Variants in NR1H4 observed in about 807,000 individuals in gnomAD.
NR1H4 encodes the protein bile acid receptor.
A neutral mutation model predicts 58.5 loss-of-function variants in NR1H4; 23 were observed. The ratio of observed to expected loss-of-function variants is 0.39; its 90% CI spans 0.28 to 0.56. The LOEUF (loss-of-function observed/expected upper bound fraction) is 0.56, where lower values mean the gene tolerates loss of function less well. Among genes scored for constraint, NR1H4 ranks in the 20% least tolerant of loss-of-function variants. The probability of loss-of-function intolerance (pLI) is 0.58; values close to 1 mark genes in which losing one functional copy is unlikely to be tolerated. For synonymous variants in NR1H4, 214 were observed against 198.0 expected (o/e 1.08, Z -0.68); for missense variants, 487 against 576.9 (o/e 0.84, Z 1.60).
At chr12:100,506,121 C>G (rs1369605102) in intron 3 of NR1H4, among the ~76,000 whole-genome samples, 1 of 151,638 alleles carries the variant, frequency 6.6e-6, no homozygotes, top group Admixed American at 6.6e-5. Flanking sequence ...CTTATATCAT[C>G]AAGACAGACT....
At chr12:100,552,966 T>C (rs1230877843) in intron 9 of NR1H4, among the ~76,000 whole-genome samples, 1 of 151,408 alleles carries the variant, frequency 6.6e-6, no homozygotes, top group African/African-American at 2.4e-5. Context: ...TCAGGCAGCA[T>C]GGCAGCCACT....
At chr12:100,514,638 C>A (rs1004461964) in intron 4 of NR1H4, among the ~76,000 whole-genome samples, 2 of 152,260 alleles carry the variant, frequency 1.3e-5, no homozygotes, top group Middle Eastern at 3.4e-3. Flanking sequence ...AGTTGAGAAT[C>A]ACTGAGAGAG....
chr12:100,490,174 A>T (rs1487370480), intron 1 of NR1H4, among the ~76,000 whole-genome samples: 2 of 152,250 alleles, frequency 1.3e-5, no homozygotes, highest in Non-Finnish European at 2.9e-5. Flanking sequence ...ACATTTCTTG[A>T]GGGCTGACTG....
chr12:100,554,694 AG>A (rs1372722433), intron 9 of NR1H4, among the ~76,000 whole-genome samples: 2 of 152,212 alleles, frequency 1.3e-5, no homozygotes, highest in Non-Finnish European at 2.9e-5. Flanking sequence ...GTTAGAAAAT[AG>A]CCCCCCCTTG....
rs530842806 is a variant in NR1H4, at chr12:100,563,195, G to A, written c.1193-56G>A. The A allele has an allele frequency of 3.0e-6, 4 of 1,326,362 alleles. No homozygotes were observed. In the African/African-American group the frequency reaches 4.3e-5, roughly 14 times the overall value. 82.2% of individuals were successfully genotyped at this position (1,326,362 alleles called of 1,614,324 possible). On this transcript the variant is annotated intron_variant, in intron 10 of 10. Transcript: ENST00000392986. The stretch of plus-strand genomic sequence containing the variant: ...TAGTTAACGTTGCTATAATTATGCT[G>A]AATTAATGCTTTTCCACTTTTTAAT...
intron 4 of NR1H4, among the ~76,000 whole-genome samples, chr12:100,526,445 A>G (rs930510122): frequency 2.0e-5 from 3 of 152,212 alleles, no homozygotes; most frequent in African/African-American, 7.2e-5. Context: ...AACCTTTTAG[A>G]AACCTTTGTG....
At chr12:100,482,974 G>A (rs935611731) in intron 1 of NR1H4, among the ~76,000 whole-genome samples, 2 of 152,138 alleles carry the variant, frequency 1.3e-5, no homozygotes, top group Non-Finnish European at 2.9e-5. Context: ...TCACAAGACT[G>A]GAGTGTAGTG....
intron 10 of NR1H4, among the ~76,000 whole-genome samples, chr12:100,562,366 T>A (rs1955495925): frequency 6.6e-6 from 1 of 152,182 alleles, no homozygotes; most frequent in East Asian, 1.9e-4. Flanking sequence ...AAAAATATAA[T>A]GAGAATATAA....
At chr12:100,506,969 C>T (rs1177721915) in intron 3 of NR1H4, among the ~76,000 whole-genome samples, 3 of 152,110 alleles carry the variant, frequency 2.0e-5, no homozygotes, top group African/African-American at 7.2e-5. Context: ...TCTGACTTGA[C>T]TTGGGACTCC....
chr12:100,553,384 A>C (rs1955251302), intron 9 of NR1H4, among the ~76,000 whole-genome samples: 1 of 152,218 alleles, frequency 6.6e-6, no homozygotes, highest in African/African-American at 2.4e-5. Flanking sequence ...AATAGAACTG[A>C]ACCTAGAAAA....
At chr12:100,530,942 C>T (rs981562290) in intron 4 of NR1H4, among the ~76,000 whole-genome samples, 4 of 152,058 alleles carry the variant, frequency 2.6e-5, no homozygotes, top group Admixed American at 1.3e-4. Context: ...GGCAGGAAGC[C>T]GGGTGGCTGA....
chr12:100,480,500 T>C (rs1953355536), intron 1 of NR1H4, among the ~76,000 whole-genome samples: 1 of 152,164 alleles, frequency 6.6e-6, no homozygotes, highest in African/African-American at 2.4e-5. Flanking sequence ...TTACTGATTG[T>C]TTCATGATTA....
At chr12:100,560,411 G>C (rs1214972627) in intron 9 of NR1H4, among the ~76,000 whole-genome samples, 1 of 152,082 alleles carries the variant, frequency 6.6e-6, no homozygotes, top group African/African-American at 2.4e-5. Context: ...CACTCACTGC[G>C]AAGATCTGCA....
intron 5 of NR1H4, among the ~76,000 whole-genome samples, chr12:100,533,636 A>G (rs973356243): frequency 1.3e-5 from 2 of 152,354 alleles, no homozygotes; most frequent in East Asian, 3.9e-4. Flanking sequence ...CACAGCTCAT[A>G]TAGCTCATCA....
At chr12:100,480,618 A>G (rs1340984321) in intron 1 of NR1H4, among the ~76,000 whole-genome samples, 1 of 151,938 alleles carries the variant, frequency 6.6e-6, no homozygotes, top group Non-Finnish European at 1.5e-5. Context: ...TCATCCCCCA[A>G]TCCCAAAGCC....
At chr12:100,511,606 A>G (rs1253911983) in intron 4 of NR1H4, among the ~76,000 whole-genome samples, 1 of 152,094 alleles carries the variant, frequency 6.6e-6, no homozygotes, top group Non-Finnish European at 1.5e-5. Flanking sequence ...GAAAGAGCCA[A>G]GTAATAATAG....
intron 3 of NR1H4, chr12:100,505,693 T>G (rs2136137912): frequency 1.5e-6 from 1 of 655,408 alleles, no homozygotes; most frequent in East Asian, 2.7e-5. Context: ...ATAGGCTAAT[T>G]CCAAAATAAA....
At chr12:100,515,987 C>A (rs1449084627) in intron 4 of NR1H4, among the ~76,000 whole-genome samples, 1 of 152,126 alleles carries the variant, frequency 6.6e-6, no homozygotes, top group Non-Finnish European at 1.5e-5. Flanking sequence ...GGGAAAGGGG[C>A]CCAAGAATCT....
At chr12:100,503,285 A>G in intron 3 of NR1H4, 1 of 1,401,012 alleles carries the variant, frequency 7.1e-7, no homozygotes, top group Non-Finnish European at 9.4e-7. Context: ...AAACATTTAC[A>G]AATATTCTGC....
Sources: allele counts gnomAD v4.1 joint callset (sites outside exome capture counted in the v4.1 genomes callset), GRCh38; gene constraint gnomAD v4.1.1; transcripts MANE v1.5; gene names NCBI Gene and HGNC (gene_info 2026-07-23, HGNC 2026-07-21).